CTTNBP2: variants seen among roughly 807,000 people sequenced by gnomAD.
The protein encoded by CTTNBP2 is cortactin binding protein 2.
Under a neutral mutation model 156.9 loss-of-function variants are expected in CTTNBP2, and 108 were observed. That is an observed-to-expected ratio of 0.69 (90% CI 0.59 to 0.81). The LOEUF (loss-of-function observed/expected upper bound fraction) is 0.81. CTTNBP2 is among the 30% of genes least tolerant of loss of function. CTTNBP2 has a pLI of 0.00. For missense variants in CTTNBP2, 1,924 were observed against 2,035.4 expected, an observed-to-expected ratio of 0.95 and a Z score of 1.05; for synonymous variants, 767 against 751.8, an observed-to-expected ratio of 1.02 and a Z score of -0.33.
intron 2 of CTTNBP2, among the ~76,000 whole-genome samples, chr7:117,829,478 A>C (rs1563049341): frequency 6.6e-6 from 1 of 152,258 alleles, no homozygotes; most frequent in Non-Finnish European, 1.5e-5. Flanking sequence ...CTACCAGTTC[A>C]GACTAAAGGT....
intron 9 of CTTNBP2, 143 bp downstream of exon 9, chr7:117,766,916 C>G (rs1797513447): frequency 1.6e-6 from 1 of 616,060 alleles, no homozygotes; most frequent in African/African-American, 1.8e-5. Flanking sequence ...AATTATCACA[C>G]TTACAGTCAG....
At chr7:117,817,713 G>A (rs975274133) in intron 2 of CTTNBP2, among the ~76,000 whole-genome samples, 4 of 151,696 alleles carry the variant, frequency 2.6e-5, no homozygotes, top group African/African-American at 9.7e-5. Flanking sequence ...TTTATGAAAA[G>A]CCAGAATAAT....
chr7:117,753,419 A>T (rs576359658), intron 12 of CTTNBP2, among the ~76,000 whole-genome samples: 1 of 152,320 alleles, frequency 6.6e-6, no homozygotes, highest in Admixed American at 6.5e-5. Flanking sequence ...CACCCAAAGG[A>T]ATATAAATCA....
Position 117,732,148 on chromosome 7 carries a change from C to T in CTTNBP2, c.3876+2765G>A, listed in dbSNP as rs777109889. Among the ~76,000 whole-genome samples, 11 of 152,118 alleles carry T rather than the reference C, an allele frequency of 7.2e-5. 1 individual carries two copies. The South Asian group carries it at 1.2e-3, about 17-fold the overall frequency. On this transcript the variant is annotated intron_variant, in intron 16 of 22. Transcript: ENST00000160373. ...AGTAAGGTCTCAGATAAAATGCTAA[C>T]GTCACCAAAATGTACAGAGCTCTTT...
intron 1 of CTTNBP2, among the ~76,000 whole-genome samples, chr7:117,862,971 A>T (rs1184877886): frequency 1.3e-5 from 2 of 152,210 alleles, no homozygotes; most frequent in Admixed American, 6.5e-5. Context: ...GCTCTTTGAG[A>T]TGAGATAAAA....
chr7:117,747,065 G>T (rs929002529), intron 12 of CTTNBP2, among the ~76,000 whole-genome samples: 1 of 152,202 alleles, frequency 6.6e-6, no homozygotes, highest in African/African-American at 2.4e-5. Flanking sequence ...ATGCTTGGGA[G>T]AAGCTTTCTT....
At chr7:117,860,042 A>G (rs1039230290) in intron 2 of CTTNBP2, among the ~76,000 whole-genome samples, 2 of 152,220 alleles carry the variant, frequency 1.3e-5, no homozygotes, top group Non-Finnish European at 2.9e-5. Flanking sequence ...GTCACAGGTA[A>G]CAATGTGTTA....
At chr7:117,805,885 C>A (rs1420611658) in intron 3 of CTTNBP2, among the ~76,000 whole-genome samples, 1 of 152,044 alleles carries the variant, frequency 6.6e-6, no homozygotes, top group Non-Finnish European at 1.5e-5. Flanking sequence ...GTACAAGGAA[C>A]CACACTAGAA....
intron 3 of CTTNBP2, among the ~76,000 whole-genome samples, chr7:117,802,737 C>G (rs1279362484): frequency 3.3e-5 from 5 of 152,152 alleles, no homozygotes; most frequent in Non-Finnish European, 5.9e-5. Flanking sequence ...CATGAACAGA[C>G]ATTTCTCAAA....
At chr7:117,745,249 C>T (rs1209548123) in intron 14 of CTTNBP2, among the ~76,000 whole-genome samples, 1 of 152,220 alleles carries the variant, frequency 6.6e-6, no homozygotes, top group African/African-American at 2.4e-5. Flanking sequence ...CTCTCTGTGA[C>T]CCTTTCCCCA....
rs369988796 is a variant in CTTNBP2, at chr7:117,792,325, C to T, written c.871G>A (p.Val291Ile). 4.3e-6 allele frequency: 7 copies of T among 1,614,066 alleles called. No homozygotes were observed. In the African/African-American group the frequency reaches 5.3e-5, roughly 12 times the overall value. Reference protein sequence around the residue: ...LPRKTKDRRLVSISVGTEGTV... With the variant: ...LPRKTKDRRLISISVGTEGTV... ...CCTTCTGTTCCCACAGATATGGAAACCAAACGCCTATCTTTTGTCTTCCGT... is the reference window on the plus strand; with the variant it reads ...CCTTCTGTTCCCACAGATATGGAAATCAAACGCCTATCTTTTGTCTTCCGT... The change falls in exon 4 of 23, where the codon GTT becomes ATT. Residue 291 changes from valine to isoleucine, a missense_variant. Val to Ile is a conservative substitution (Grantham distance 29, BLOSUM62 3). Coordinates refer to ENST00000160373, the MANE Select transcript of CTTNBP2 (RefSeq NM_033427.3). The surrounding 1 kb of genome is among the most constrained non-coding windows in gnomAD (Gnocchi z 4.2).
intron 22 of CTTNBP2, among the ~76,000 whole-genome samples, chr7:117,714,814 T>C (rs1252965960): frequency 3.9e-5 from 6 of 152,172 alleles, no homozygotes; most frequent in Non-Finnish European, 7.3e-5. Context: ...AGGTGACCAA[T>C]GCACAGCATC....
chr7:117,719,957 G>T (rs1354022315), intron 20 of CTTNBP2, among the ~76,000 whole-genome samples: 1 of 152,196 alleles, frequency 6.6e-6, no homozygotes, highest in Non-Finnish European at 1.5e-5. Flanking sequence ...GGGACAATGT[G>T]ATAAAATGGG....
Position 117,718,123 on chromosome 7 carries a change from GAA to G in CTTNBP2, c.4645-6_4645-5del. On this transcript the variant is annotated splice_region_variant and splice_polypyrimidine_tract_variant and intron_variant, in intron 21 of 22. Transcript: ENST00000160373. ...AATCATCCCTGGAATCAGCAATCTA[GAA>G]AATACAGAATTTGCCCGGTCATGTC... 1.3e-6 allele frequency: 2 copies of G among 1,595,020 alleles called. No homozygotes were observed. Among genetic ancestry groups the G allele is most frequent in the Non-Finnish European group, 1.7e-6 (2 of 1,163,382 alleles).
chr7:117,802,811 G>A (rs1287192501), intron 3 of CTTNBP2, among the ~76,000 whole-genome samples: 1 of 152,126 alleles, frequency 6.6e-6, no homozygotes, highest in African/African-American at 2.4e-5. Flanking sequence ...TCAGAGAAAT[G>A]CAAATCAAAA....
At chr7:117,855,313 A>T (rs1803225133) in intron 2 of CTTNBP2, among the ~76,000 whole-genome samples, 1 of 152,116 alleles carries the variant, frequency 6.6e-6, no homozygotes, top group South Asian at 2.1e-4. Flanking sequence ...GAGTTCCACC[A>T]CATTGGCCAG....
Position 117,711,473 on chromosome 7 carries a change from T to A in CTTNBP2, c.*64A>T. 1 of 1,504,638 alleles carries A rather than the reference T, an allele frequency of 6.6e-7. No individual in the cohort carries two copies. The highest frequency in any genetic ancestry group is 9.0e-7 in the Non-Finnish European group (1 of 1,114,830). 93.2% of individuals were successfully genotyped at this position (1,504,638 alleles called of 1,614,324 possible). ...TTTTATCAATTTAAAGGTATTTGTA[T>A]CTTGTTGTCCTTGGTTTCTGTGTGA... On this transcript the variant is annotated 3_prime_UTR_variant, in exon 23 of 23. Transcript: ENST00000160373.
chr7:117,717,872 A>T (rs1004698407), intron 22 of CTTNBP2, 146 bp downstream of exon 22: 10 of 553,234 alleles, frequency 1.8e-5, no homozygotes, highest in Non-Finnish European at 3.2e-5. Context: ...TCTAAAACCT[A>T]ATGAACACTT....
chr7:117,786,971 T>C (rs1798735327), intron 4 of CTTNBP2, among the ~76,000 whole-genome samples: 1 of 152,206 alleles, frequency 6.6e-6, no homozygotes, highest in Non-Finnish European at 1.5e-5. Flanking sequence ...AGGTCTGCAA[T>C]ATATTTTTAA....
Sources: allele counts gnomAD v4.1 joint callset (sites outside exome capture counted in the v4.1 genomes callset), GRCh38; gene constraint gnomAD v4.1.1; non-coding constraint Gnocchi (gnomAD v3.1); transcripts MANE v1.5; gene names NCBI Gene and HGNC (gene_info 2026-07-23, HGNC 2026-07-21).